AFF1: variants seen among roughly 807,000 people sequenced by gnomAD.
AFF1 encodes AF4/FMR2 family member 1.
In AFF1, 48 loss-of-function variants were observed where a neutral mutation model predicts 121.7. The ratio of observed to expected loss-of-function variants is 0.39; its 90% CI spans 0.31 to 0.50. The LOEUF is 0.50. AFF1 is among the 20% of genes least tolerant of loss of function. The pLI, the probability that AFF1 is intolerant of heterozygous loss-of-function variation, is 0.76. For missense variants in AFF1, 1,523 were observed against 1,511.7 expected, an observed-to-expected ratio of 1.01 and a Z score of -0.12; for synonymous variants, 613 against 563.0, an observed-to-expected ratio of 1.09 and a Z score of -1.26.
intron 12 of AFF1, among the ~76,000 whole-genome samples, chr4:87,115,783 A>AT (rs983868911): frequency 1.5e-4 from 23 of 149,996 alleles, no homozygotes; most frequent in South Asian, 1.3e-3. Flanking sequence ...TAATTTTTGT[A>AT]TTTTTTTTGT....
chr4:87,135,773 A>G lies in AFF1; in HGVS notation c.*72A>G, dbSNP rs342464. ...TGGAAGCCTCAAAAACAGTCCAGAC[A>G]TTTGTTTCATCAGGACACCAAACTC... On this transcript the variant is annotated 3_prime_UTR_variant, in exon 21 of 21. Coordinates refer to ENST00000395146, the MANE Select transcript of AFF1 (RefSeq NM_001166693.3). The G allele has an allele frequency of 1, 1,526,090 of 1,526,104 alleles. 763,038 individuals carry two copies. The highest frequency in any genetic ancestry group is 1 in the Middle Eastern group (5,774 of 5,774). 94.5% of individuals were successfully genotyped at this position (1,526,104 alleles called of 1,614,324 possible). A position where few individuals can be genotyped will look rare whatever the true frequency, so the allele number is the denominator to read the frequency against.
intron 12 of AFF1, among the ~76,000 whole-genome samples, chr4:87,116,119 C>T (rs182459540): frequency 6.6e-6 from 1 of 152,226 alleles, no homozygotes; most frequent in African/African-American, 2.4e-5. Context: ...TACAACACCT[C>T]TTTACAGTTA....
intron 1 of AFF1, chr4:86,936,278 C>T (rs1041312982): frequency 4.6e-5 from 7 of 152,240 alleles, no homozygotes; most frequent in African/African-American, 7.2e-5. Context: ...GGGTGTGACT[C>T]ACCACGGGGA....
chr4:87,017,940 T>TAA (rs11410710), intron 2 of AFF1, among the ~76,000 whole-genome samples: 9,165 of 148,378 alleles, frequency 0.062, 472 homozygotes, highest in African/African-American at 0.14. Flanking sequence ...TCGTTCTATT[T>TAA]AAAAAAAAAA....
At chr4:87,082,314 T>C (rs1723256391) in intron 4 of AFF1, among the ~76,000 whole-genome samples, 1 of 152,186 alleles carries the variant, frequency 6.6e-6, no homozygotes. Flanking sequence ...AAGTTTGTGC[T>C]AAAATAGAGC....
intron 2 of AFF1, among the ~76,000 whole-genome samples, chr4:86,980,966 A>T (rs550821433): frequency 7.3e-6 from 1 of 136,376 alleles, no homozygotes; most frequent in Non-Finnish European, 1.6e-5. Context: ...CTCCACCAAA[A>T]AAAAGGAAAG....
In AFF1 at chr4:86,997,748, C is replaced by T. The variant is rs1406384508; in HGVS notation, c.39-48418C>T. 3.5e-5 allele frequency among the ~76,000 whole-genome samples: 5 copies of T among 141,896 alleles called. No homozygotes were observed. The South Asian group carries it at 6.6e-4, about 19-fold the overall frequency. The allele number at this position is 141,896 out of a possible 152,430, so 93.1% of individuals were successfully genotyped here. On this transcript the variant is annotated intron_variant, in intron 2 of 20. Coordinates refer to ENST00000395146, the MANE Select transcript of AFF1 (RefSeq NM_001166693.3). Reference sequence around the variant, plus strand: ...CTGCGCTTCAGCCTGGGCAACAGATCGAGACTCCATCTCAAAAAAAAAAAA... The same window carrying T: ...CTGCGCTTCAGCCTGGGCAACAGATTGAGACTCCATCTCAAAAAAAAAAAA...
Position 87,140,368 on chromosome 4 carries a change from C to T in AFF1, c.*4667C>T, listed in dbSNP as rs1287161522. The T allele has an allele frequency of 4.1e-5, 8 of 194,328 alleles. No individual in the cohort carries two copies. Among genetic ancestry groups the T allele is most frequent in the East Asian group, 8.0e-5 (1 of 12,434 alleles). The allele number at this position is 194,328 out of a possible 1,614,324, so 12.0% of individuals were successfully genotyped here. A position where few individuals can be genotyped will look rare whatever the true frequency, so the allele number is the denominator to read the frequency against. ...TTGTGTGTGTGTATGTGTGTATGTA[C>T]GCACGCATGTGTCCCAAATCTTGTT... On this transcript the variant is annotated 3_prime_UTR_variant, in exon 21 of 21. Transcript: ENST00000395146.
rs1379718763 is a variant in AFF1, at chr4:87,140,859, A to G, written c.*5158A>G. 1 of 185,424 alleles carries G rather than the reference A, an allele frequency of 5.4e-6. No homozygotes were observed. The highest frequency in any genetic ancestry group is 1.1e-5 in the Non-Finnish European group (1 of 87,368). 11.5% of individuals were successfully genotyped at this position (185,424 alleles called of 1,614,324 possible). On this transcript the variant is annotated 3_prime_UTR_variant, in exon 21 of 21. Transcript: ENST00000395146. ...TGTGAGAGAATTATAGTTTTTTTTT[A>G]GAAGAAAAATCTGCAAAAGATCTTT... is the stretch of plus-strand genomic sequence containing the variant.
At position 87,030,044 on chromosome 4, in the gene AFF1, T is replaced by C. The variant is rs1382948549; in HGVS notation, c.39-16122T>C. On this transcript the variant is annotated intron_variant, in intron 2 of 20. Coordinates refer to ENST00000395146, the MANE Select transcript of AFF1 (RefSeq NM_001166693.3). ...TTTTCCCTGAAGTCAAGAAGGCAGATAAGGAGAAATTGCTGTCACTGAAAG... is the reference window on the plus strand; with the variant it reads ...TTTTCCCTGAAGTCAAGAAGGCAGACAAGGAGAAATTGCTGTCACTGAAAG... Among the ~76,000 whole-genome samples, 5 of 152,168 alleles carry C rather than the reference T, an allele frequency of 3.3e-5. 1 individual carries two copies. Among genetic ancestry groups the C allele is most frequent in the African/African-American group, 7.2e-5 (3 of 41,434 alleles).
chr4:87,086,678 C>CT (rs1165299464), intron 5 of AFF1, among the ~76,000 whole-genome samples: 1 of 152,132 alleles, frequency 6.6e-6, no homozygotes, highest in African/African-American at 2.4e-5. Flanking sequence ...AATGAAGGCC[C>CT]TGGGCTAGCG....
At position 87,078,348 on chromosome 4, in the gene AFF1, A is replaced by G. The variant is rs111958986; in HGVS notation, c.1060-5772A>G. Among the ~76,000 whole-genome samples the G allele has an allele frequency of 3.8e-3, 575 of 152,322 alleles. 4 individuals are homozygous for G. Among genetic ancestry groups the G allele is most frequent in the Non-Finnish European group, 4.2e-3 (288 of 68,036 alleles). On this transcript the variant is annotated intron_variant, in intron 4 of 20. Transcript: ENST00000395146. The stretch of plus-strand genomic sequence containing the variant: ...AAGCCATAAGAGAAACTTAGTTTCA[A>G]ATTCTGAGTTCCGGGACTGAAAACA...
At chr4:86,998,006 G>A (rs1560527869) in intron 2 of AFF1, among the ~76,000 whole-genome samples, 1 of 149,032 alleles carries the variant, frequency 6.7e-6, no homozygotes, top group Non-Finnish European at 1.5e-5. Context: ...GCTAAGGCAG[G>A]AGAATCGCTT....
intron 4 of AFF1, among the ~76,000 whole-genome samples, chr4:87,067,585 C>T (rs1427947589): frequency 6.6e-6 from 1 of 152,186 alleles, no homozygotes; most frequent in Non-Finnish European, 1.5e-5. Flanking sequence ...TTGCTAAATG[C>T]ACAGAGTCAG....
intron 2 of AFF1, among the ~76,000 whole-genome samples, chr4:87,040,636 G>A (rs1018371158): frequency 6.6e-6 from 1 of 150,934 alleles, no homozygotes; most frequent in African/African-American, 2.4e-5. Context: ...GCGCAATCTC[G>A]GCTCACAGCA....
intron 4 of AFF1, among the ~76,000 whole-genome samples, chr4:87,065,344 T>A (rs1430874107): frequency 6.6e-6 from 1 of 152,098 alleles, no homozygotes; most frequent in Non-Finnish European, 1.5e-5. Flanking sequence ...CCTGCCCCCA[T>A]GATCGAATTA....
At chr4:86,940,750 A>AT (rs1354708527) in intron 1 of AFF1, among the ~76,000 whole-genome samples, 1 of 151,632 alleles carries the variant, frequency 6.6e-6, no homozygotes, top group Non-Finnish European at 1.5e-5. Flanking sequence ...TCACAGGGAG[A>AT]TTTTATCTTT....
At chr4:87,129,322 G>A (rs927542604) in intron 16 of AFF1, among the ~76,000 whole-genome samples, 6 of 152,134 alleles carry the variant, frequency 3.9e-5, no homozygotes, top group East Asian at 1.9e-4. Flanking sequence ...TCTTCTCTAC[G>A]TTATCTTCAA....
intron 4 of AFF1, among the ~76,000 whole-genome samples, chr4:87,051,172 A>G (rs1357277865): frequency 5.9e-5 from 9 of 152,200 alleles, no homozygotes; most frequent in African/African-American, 2.2e-4. Flanking sequence ...AAAGTCCTTC[A>G]TTTTGCAAAA....
Sources: allele counts gnomAD v4.1 joint callset (sites outside exome capture counted in the v4.1 genomes callset), GRCh38; gene constraint gnomAD v4.1.1; transcripts MANE v1.5; gene names NCBI Gene and HGNC (gene_info 2026-07-23, HGNC 2026-07-21).